The following CPEB1 variants were observed in gnomAD, a reference collection of about 807,000 sequenced individuals.
CPEB1 encodes the protein cytoplasmic polyadenylation element binding protein 1.
A neutral mutation model predicts 65.8 loss-of-function variants in CPEB1; 7 were observed. The ratio of observed to expected loss-of-function variants is 0.11; its 90% CI spans 0.06 to 0.20. The LOEUF (loss-of-function observed/expected upper bound fraction) is 0.20. Ranked by LOEUF, CPEB1 falls within the 10% of genes least tolerant of loss-of-function variation. CPEB1 has a pLI of 1.00. For synonymous variants in CPEB1, 262 were observed against 260.0 expected (o/e 1.01, Z -0.08); for missense variants, 551 against 712.2 (o/e 0.77, Z 2.58).
chr15:82,647,677 C>G (rs1182867932), upstream of CPEB1: 1 of 408,750 alleles, frequency 2.4e-6, no homozygotes, highest in Non-Finnish European at 4.0e-6. Context: ...CTGCCCCCCT[C>G]GCCCTCCACC....
chr15:82,610,981 A>AAAAAAAG (rs2044094492), intron 3 of CPEB1, among the ~76,000 whole-genome samples: 170 of 134,870 alleles, frequency 1.3e-3, no homozygotes, highest in African/African-American at 2.8e-3. Flanking sequence ...AAAAAAAAAA[A>AAAAAAAG]AAAAAAAGAA....
rs540235662 is a variant in CPEB1 at position 82,572,805 on chromosome 15, T to C, written c.272-1273A>G. Among the ~76,000 whole-genome samples, 3 of 152,320 alleles carry C rather than the reference T, an allele frequency of 2.0e-5. No individual in the cohort carries two copies. The South Asian group carries it at 6.2e-4, about 32-fold the overall frequency. Reference sequence around the variant, plus strand: ...CATCCAGGCCCTCTCTCAGAGGTGCTGCACAAGACCAATGCTTATTTCTGT... The same window carrying C: ...CATCCAGGCCCTCTCTCAGAGGTGCCGCACAAGACCAATGCTTATTTCTGT... On this transcript the variant is annotated intron_variant, in intron 3 of 12. Transcript: ENST00000684509.
At chr15:82,558,826 C>T (rs917263455) in intron 4 of CPEB1, among the ~76,000 whole-genome samples, 2 of 152,172 alleles carry the variant, frequency 1.3e-5, no homozygotes, top group African/African-American at 2.4e-5. Context: ...AAAAGAGCAA[C>T]GTTTTCCACA....
intron 3 of CPEB1, among the ~76,000 whole-genome samples, chr15:82,619,051 A>G (rs895027699): frequency 6.6e-6 from 1 of 152,220 alleles, no homozygotes; most frequent in Non-Finnish European, 1.5e-5. Flanking sequence ...TTCACTACCA[A>G]CTATCAAAGC....
rs3080692 is a variant in CPEB1 at position 82,584,903 on chromosome 15, C to CTTTTTTTTTTTTT, written c.272-13384_272-13372dup. 3.0e-3 allele frequency among the ~76,000 whole-genome samples: 248 copies of CTTTTTTTTTTTTT among 81,714 alleles called. 39 individuals carry two copies. The highest frequency in any genetic ancestry group is 9.7e-3 in the African/African-American group (163 of 16,864). 53.6% of individuals were successfully genotyped at this position (81,714 alleles called of 152,430 possible). A position where few individuals can be genotyped will look rare whatever the true frequency, so the allele number is the denominator to read the frequency against. On this transcript the variant is annotated intron_variant, in intron 3 of 12. Transcript: ENST00000684509. ...GACATAATTTTTTTTTCCTAATTTGCTTTTTTTTTTTTTTTTTTTACAGTG... is the reference window on the plus strand; with the variant it reads ...GACATAATTTTTTTTTCCTAATTTGCTTTTTTTTTTTTTTTTTTTTTTTTTTTTTTTTACAGTG...
intron 3 of CPEB1, among the ~76,000 whole-genome samples, chr15:82,613,460 T>G (rs2044377730): frequency 6.6e-6 from 1 of 152,140 alleles, no homozygotes; most frequent in Admixed American, 6.5e-5. Flanking sequence ...CGATCTTGGC[T>G]CACTGCAATC....
At chr15:82,572,400 G>A (rs529050206) in intron 3 of CPEB1, among the ~76,000 whole-genome samples, 10 of 152,296 alleles carry the variant, frequency 6.6e-5, no homozygotes, top group Admixed American at 4.6e-4. Context: ...TTGGCAGAGT[G>A]GGGGAGAGTC....
At chr15:82,561,106 C>T (rs899856495) in intron 4 of CPEB1, among the ~76,000 whole-genome samples, 10 of 152,130 alleles carry the variant, frequency 6.6e-5, no homozygotes, top group Non-Finnish European at 2.9e-5. Flanking sequence ...AATATAAACA[C>T]GAAGAGGTGG....
intron 4 of CPEB1, among the ~76,000 whole-genome samples, chr15:82,563,925 G>A (rs1423724932): frequency 6.6e-6 from 1 of 151,958 alleles, no homozygotes; most frequent in African/African-American, 2.4e-5. Context: ...GGGAAATCAA[G>A]CACAAGTAAT....
At chr15:82,630,794 G>C (rs1204771071) in intron 1 of CPEB1, among the ~76,000 whole-genome samples, 1 of 152,114 alleles carries the variant, frequency 6.6e-6, no homozygotes. Context: ...TATCAAAAGT[G>C]GTCCAGTGTG....
chr15:82,549,889 G>A (rs1051819530), intron 9 of CPEB1, among the ~76,000 whole-genome samples: 3 of 152,124 alleles, frequency 2.0e-5, no homozygotes, highest in African/African-American at 7.2e-5. Context: ...GGTAGAAGTG[G>A]ACACAGTACT....
intron 3 of CPEB1, among the ~76,000 whole-genome samples, chr15:82,622,790 T>C (rs1567228941): frequency 6.6e-6 from 1 of 152,206 alleles, no homozygotes; most frequent in Non-Finnish European, 1.5e-5. Context: ...CTTGGAAGCA[T>C]TCTCCATCTA....
At chr15:82,604,768 G>C (rs2043413800) in intron 3 of CPEB1, among the ~76,000 whole-genome samples, 1 of 152,100 alleles carries the variant, frequency 6.6e-6, no homozygotes, top group Non-Finnish European at 1.5e-5. Context: ...AGAGACATCT[G>C]GGATACAGTC....
chr15:82,572,518 A>G (rs1281927220), intron 3 of CPEB1, among the ~76,000 whole-genome samples: 1 of 152,052 alleles, frequency 6.6e-6, no homozygotes, highest in Non-Finnish European at 1.5e-5. Flanking sequence ...CCTCATCCCA[A>G]CAAGATGGGT....
At chr15:82,555,831 T>C in intron 6 of CPEB1, 39 bp downstream of exon 6, 1 of 1,578,868 alleles carries the variant, frequency 6.3e-7, no homozygotes, top group Non-Finnish European at 8.5e-7. Context: ...GCTCCCAAAA[T>C]GAGGCCTCAG....
chr15:82,569,550 A>G (rs2039696097), intron 4 of CPEB1, among the ~76,000 whole-genome samples: 1 of 152,254 alleles, frequency 6.6e-6, no homozygotes, highest in Non-Finnish European at 1.5e-5. Flanking sequence ...AGAGACAAAC[A>G]GCTACAAGCA....
At chr15:82,563,656 C>T (rs933742259) in intron 4 of CPEB1, among the ~76,000 whole-genome samples, 1 of 151,814 alleles carries the variant, frequency 6.6e-6, no homozygotes, top group Non-Finnish European at 1.5e-5. Flanking sequence ...TATCTCTCCT[C>T]TTAATGATTC....
chr15:82,566,046 C>A (rs2039067972), intron 4 of CPEB1, among the ~76,000 whole-genome samples: 1 of 152,172 alleles, frequency 6.6e-6, no homozygotes, highest in South Asian at 2.1e-4. Flanking sequence ...TGTTAATTTT[C>A]TCTACTTTCA....
chr15:82,612,513 A>C (rs2151252360), intron 3 of CPEB1, among the ~76,000 whole-genome samples: 1 of 151,614 alleles, frequency 6.6e-6, no homozygotes, highest in Admixed American at 6.6e-5. Flanking sequence ...AAAAAACAAA[A>C]AAAAAAACAC....
Sources: gnomAD v4.1 joint callset for allele counts (sites outside exome capture counted in the v4.1 genomes callset) on GRCh38, gnomAD v4.1.1 for gene constraint, MANE v1.5 for transcripts, NCBI Gene and HGNC (gene_info 2026-07-23, HGNC 2026-07-21) for gene names.